PLD5: variants seen among roughly 807,000 people sequenced by gnomAD.
The protein encoded by PLD5 is inactive phospholipase D5.
In PLD5, 36 loss-of-function variants were observed where a neutral mutation model predicts 61.1. The ratio of observed to expected loss-of-function variants is 0.59; its 90% CI spans 0.45 to 0.78. The LOEUF (loss-of-function observed/expected upper bound fraction) is 0.78, where lower values mean the gene tolerates loss of function less well. Among genes scored for constraint, PLD5 ranks in the 30% least tolerant of loss-of-function variants. The pLI, the probability that PLD5 is intolerant of heterozygous loss-of-function variation, is 0.00. For missense variants in PLD5, 515 were observed against 644.4 expected (o/e 0.80, Z 2.17); for synonymous variants, 243 against 242.8 (o/e 1.00, Z -0.01).
At chr1:242,473,410 C>A (rs948302226) in intron 1 of PLD5, among the ~76,000 whole-genome samples, 4 of 151,898 alleles carry the variant, frequency 2.6e-5, no homozygotes. Context: ...ACAGGGCCAG[C>A]GTGAAGATTA....
At chr1:242,476,766 G>A (rs970743172) in intron 1 of PLD5, among the ~76,000 whole-genome samples, 3 of 152,074 alleles carry the variant, frequency 2.0e-5, no homozygotes, top group Non-Finnish European at 4.4e-5. Flanking sequence ...TCCCACCCCA[G>A]GTTTATTTTT....
At chr1:242,164,179 AG>A (rs1666128223) in intron 5 of PLD5, among the ~76,000 whole-genome samples, 2 of 151,864 alleles carry the variant, frequency 1.3e-5, no homozygotes, top group South Asian at 2.1e-4. Context: ...AAAAAAAAAA[AG>A]AAATTCATGC....
rs1669487711 is a variant in PLD5 at position 242,207,872 on chromosome 1, A to ATATTTATATATATT, written c.735+12115_735+12116insAATATATATAAATA. Among the ~76,000 whole-genome samples the ATATTTATATATATT allele has an allele frequency of 1.8e-4, 15 of 81,492 alleles. 3 individuals carry two copies. The highest frequency in any genetic ancestry group is 2.2e-4 in the Non-Finnish European group (11 of 48,988). 53.5% of individuals were successfully genotyped at this position (81,492 alleles called of 152,430 possible). On this transcript the variant is annotated intron_variant, in intron 5 of 9. Coordinates refer to ENST00000536534, the MANE Select transcript of PLD5 (RefSeq NM_001372062.1). ...TATATTTATATATTTATATATTTAT[A>ATATTTATATATATT]TATATTTATATATTTATATATATTT...
chr1:242,478,655 T>C (rs1178892124), intron 1 of PLD5, among the ~76,000 whole-genome samples: 1 of 152,242 alleles, frequency 6.6e-6, no homozygotes, highest in Non-Finnish European at 1.5e-5. Context: ...AAGTCCCATT[T>C]GTTCATGGGA....
intron 1 of PLD5, among the ~76,000 whole-genome samples, chr1:242,387,154 T>C (rs891330841): frequency 3.3e-5 from 5 of 152,348 alleles, no homozygotes; most frequent in Admixed American, 1.3e-4. Flanking sequence ...TGTTCATGGA[T>C]AAAAGAACTT....
intron 2 of PLD5, among the ~76,000 whole-genome samples, chr1:242,309,614 T>C (rs1195765002): frequency 6.6e-6 from 1 of 151,592 alleles, no homozygotes. Flanking sequence ...CCTCAGGTGA[T>C]CCGCCCACCT....
chr1:242,318,491 C>T (rs922278709), intron 2 of PLD5, among the ~76,000 whole-genome samples: 5 of 152,094 alleles, frequency 3.3e-5, no homozygotes, highest in African/African-American at 4.8e-5. Context: ...CAGCAAGCCT[C>T]GACACTTCGT....
intron 4 of PLD5, among the ~76,000 whole-genome samples, chr1:242,227,615 C>T (rs1368238410): frequency 2.6e-5 from 4 of 152,160 alleles, no homozygotes; most frequent in Admixed American, 6.5e-5. Context: ...CTGCCTGCCT[C>T]GGCCTCCCAA....
intron 5 of PLD5, among the ~76,000 whole-genome samples, chr1:242,188,313 G>A (rs1274678449): frequency 6.6e-6 from 1 of 152,160 alleles, no homozygotes; most frequent in Admixed American, 6.5e-5. Context: ...AGGGGAAAGG[G>A]AGAAATTGCA....
intron 3 of PLD5, among the ~76,000 whole-genome samples, chr1:242,276,526 G>A (rs912104793): frequency 6.7e-6 from 1 of 149,542 alleles, no homozygotes; most frequent in Non-Finnish European, 1.5e-5. Context: ...CTGCTGATTA[G>A]GCTTGGAGCT....
intron 2 of PLD5, among the ~76,000 whole-genome samples, chr1:242,343,637 C>T (rs1659964628): frequency 6.6e-6 from 1 of 151,498 alleles, no homozygotes; most frequent in Admixed American, 6.6e-5. Context: ...GAATGTAGAA[C>T]TGAACAACAG....
intron 5 of PLD5, among the ~76,000 whole-genome samples, chr1:242,190,410 T>C (rs12409977): frequency 2.6e-5 from 4 of 151,628 alleles, no homozygotes; most frequent in African/African-American, 7.3e-5. Context: ...CCTCCCAAAG[T>C]GCTGGGATTA....
At chr1:242,356,267 T>C (rs1248081660) in intron 1 of PLD5, among the ~76,000 whole-genome samples, 9 of 152,122 alleles carry the variant, frequency 5.9e-5, no homozygotes, top group African/African-American at 1.9e-4. Flanking sequence ...TAGGTGCATA[T>C]ATAATTGTTA....
chr1:242,297,703 A>C lies in PLD5; in HGVS notation c.327-9173T>G, dbSNP rs1348083236. ...GCCGGACTGCGGACTGCAGTGGCGC[A>C]ATCTCGGCTCACTGCAAGCTCCGCC... On this transcript the variant is annotated intron_variant, in intron 2 of 9. Coordinates refer to ENST00000536534, the MANE Select transcript of PLD5 (RefSeq NM_001372062.1). 2.1e-5 allele frequency among the ~76,000 whole-genome samples: 3 copies of C among 141,178 alleles called. No homozygotes were observed. In the South Asian group the frequency reaches 6.6e-4, roughly 31 times the overall value. The allele number at this position is 141,178 out of a possible 152,430, so 92.6% of individuals were successfully genotyped here.
intron 5 of PLD5, among the ~76,000 whole-genome samples, chr1:242,217,055 G>T (rs1670258290): frequency 6.6e-6 from 1 of 152,198 alleles, no homozygotes; most frequent in South Asian, 2.1e-4. Context: ...GAGACCTACT[G>T]CTCAGAAAGA....
chr1:242,114,011 A>G lies in PLD5; in HGVS notation c.949T>C (p.Phe317Leu). ...QAFVSNSPKL[F>L]CPKNRSFDID... ...TCAAAACTTCTGTTTTTAGGGCAAA[A>G]GAGTTTTGGAGAATTCTGTGAAGAC... Residue 317 changes from phenylalanine (F) to leucine (L), a missense_variant, in exon 7 of 10, where the codon TTT becomes CTT. By Grantham distance (22) the Phe-to-Leu change is conservative. Around this residue, in one of 2 missense-constraint regions of PLD5, gnomAD observed 450 missense variants for 598.1 expected, o/e 0.75. Transcript: ENST00000536534. The G allele has an allele frequency of 6.2e-7, 1 of 1,613,030 alleles. No homozygotes were observed. The highest frequency in any genetic ancestry group is 2.2e-5 in the East Asian group (1 of 44,826).
chr1:242,257,974 CCT>C (rs1191271496), intron 4 of PLD5, among the ~76,000 whole-genome samples: 1 of 152,102 alleles, frequency 6.6e-6, no homozygotes, highest in Non-Finnish European at 1.5e-5. Flanking sequence ...ATGATTAGCC[CCT>C]CTTTTTTCAC....
chr1:242,411,217 C>A (rs1664531221), intron 1 of PLD5, among the ~76,000 whole-genome samples: 1 of 143,988 alleles, frequency 6.9e-6, no homozygotes, highest in African/African-American at 2.7e-5. Flanking sequence ...GATTGCCCAA[C>A]CTGTGGTTTT....
At chr1:242,283,373 C>T (rs939354215) in intron 3 of PLD5, among the ~76,000 whole-genome samples, 4 of 152,282 alleles carry the variant, frequency 2.6e-5, no homozygotes, top group South Asian at 4.1e-4. Context: ...CCACTGGCTA[C>T]GTGGTTTCTT....
Sources: gnomAD v4.1 joint callset for allele counts (sites outside exome capture counted in the v4.1 genomes callset) on GRCh38, gnomAD v4.1.1 for gene constraint, gnomAD v4.1.1 regional missense constraint, MANE v1.5 for transcripts, NCBI Gene and HGNC (gene_info 2026-07-23, HGNC 2026-07-21) for gene names.